Variants in PTPRO observed in about 807,000 individuals in gnomAD.
PTPRO encodes the protein receptor-type tyrosine-protein phosphatase O.
A neutral mutation model predicts 145.2 loss-of-function variants in PTPRO; 62 were observed. The observed-to-expected ratio is 0.43, with a 90% CI of 0.35 to 0.53. The LOEUF is 0.53. Among genes scored for constraint, PTPRO ranks in the 20% least tolerant of loss-of-function variants. The probability of loss-of-function intolerance (pLI) is 0.01; values close to 1 mark genes in which losing one functional copy is unlikely to be tolerated. For synonymous variants in PTPRO, 565 were observed against 514.7 expected (o/e 1.10, Z -1.32); for missense variants, 1,345 against 1,482.7 (o/e 0.91, Z 1.53).
chr12:15,552,163 T>C (rs1003426066), intron 15 of PTPRO, among the ~76,000 whole-genome samples: 2 of 152,188 alleles, frequency 1.3e-5, no homozygotes, highest in African/African-American at 4.8e-5. Flanking sequence ...TTATTCCTAT[T>C]ACTCAGAGTT....
At chr12:15,477,502 TA>T (rs142266962) in intron 1 of PTPRO, among the ~76,000 whole-genome samples, 3,009 of 150,742 alleles carry the variant, frequency 0.02, 112 homozygotes, top group East Asian at 0.14. Context: ...AAAGTATAAT[TA>T]AAAAAAAATG....
chr12:15,328,251 T>G (rs903234506), intron 1 of PTPRO, among the ~76,000 whole-genome samples: 1 of 152,206 alleles, frequency 6.6e-6, no homozygotes, highest in Non-Finnish European at 1.5e-5. Context: ...TTAGATTTTT[T>G]TTCCTCTGCA....
intron 1 of PTPRO, among the ~76,000 whole-genome samples, chr12:15,381,096 A>T (rs1409195371): frequency 1.3e-5 from 2 of 152,312 alleles, no homozygotes; most frequent in Non-Finnish European, 2.9e-5. Context: ...TTCTTTCATG[A>T]GATTTATCTT....
At chr12:15,376,305 A>C (rs1321692547) in intron 1 of PTPRO, among the ~76,000 whole-genome samples, 2 of 152,158 alleles carry the variant, frequency 1.3e-5, no homozygotes, top group African/African-American at 2.4e-5. Flanking sequence ...ACTAACATTC[A>C]ATATGTTGAA....
intron 7 of PTPRO, among the ~76,000 whole-genome samples, chr12:15,511,526 A>C (rs1942440299): frequency 6.6e-6 from 1 of 152,184 alleles, no homozygotes. Context: ...TAATATCCCT[A>C]GGATAAATTT....
At chr12:15,593,842 C>T (rs192199722) in intron 25 of PTPRO, among the ~76,000 whole-genome samples, 2 of 152,230 alleles carry the variant, frequency 1.3e-5, no homozygotes, top group Non-Finnish European at 2.9e-5. Context: ...TAGCTTTGTC[C>T]ACTACATAGA....
intron 23 of PTPRO, among the ~76,000 whole-genome samples, chr12:15,584,433 T>C (rs1224254448): frequency 6.6e-6 from 1 of 152,236 alleles, no homozygotes; most frequent in Non-Finnish European, 1.5e-5. Flanking sequence ...ATAGGGTCTG[T>C]TCCATTGCCT....
chr12:15,573,577 T>C (rs988822730), intron 19 of PTPRO, among the ~76,000 whole-genome samples: 4 of 152,238 alleles, frequency 2.6e-5, no homozygotes, highest in Non-Finnish European at 5.9e-5. Context: ...TGGTAAGTCC[T>C]GACATTATTT....
At chr12:15,535,629 T>C (rs572797931) in intron 12 of PTPRO, among the ~76,000 whole-genome samples, 2 of 152,368 alleles carry the variant, frequency 1.3e-5, no homozygotes, top group South Asian at 4.1e-4. Flanking sequence ...TATACATTGC[T>C]AGGTCTTGGT....
At position 15,586,844 on chromosome 12, in the gene PTPRO, T is replaced by C. The variant is rs555127578; in HGVS notation, c.3256-53T>C. ...GCTTAACTAGCAGAGTCCTGGGTCA[T>C]CCTAACAGTGAACTGAAAAATTAAT... is the stretch of plus-strand genomic sequence containing the variant. On this transcript the variant is annotated intron_variant, in intron 23 of 26. Coordinates refer to ENST00000281171, the MANE Select transcript of PTPRO (RefSeq NM_030667.3). 1.2e-5 allele frequency: 20 copies of C among 1,608,184 alleles called. No homozygotes were observed. In the East Asian group the frequency reaches 4.2e-4, roughly 34 times the overall value.
chr12:15,413,101 G>GT (rs1939845855), intron 1 of PTPRO, among the ~76,000 whole-genome samples: 1 of 151,850 alleles, frequency 6.6e-6, no homozygotes, highest in Non-Finnish European at 1.5e-5. Flanking sequence ...CCTTGTTTTT[G>GT]TTTTTTTGAG....
At chr12:15,523,098 A>G (rs1465840814) in intron 10 of PTPRO, among the ~76,000 whole-genome samples, 1 of 152,248 alleles carries the variant, frequency 6.6e-6, no homozygotes, top group Non-Finnish European at 1.5e-5. Context: ...ATTGCTAAGC[A>G]TACTATATAA....
Position 15,520,305 on chromosome 12 carries a change from C to T in PTPRO, c.1884C>T (p.Phe628=), listed in dbSNP as rs770433413. The change falls in exon 10 of 27, where the codon TTC becomes TTT. Residue 628 remains phenylalanine, a synonymous_variant. Transcript: ENST00000281171. ...LSCCDSSTIS[F]ITAPVAPEIT... Reference sequence around the variant, plus strand: ...GCTGTGACAGCTCTACCATCAGCTTCATAACAGGTGAGGCATGTGTGGGGA... The same window carrying T: ...GCTGTGACAGCTCTACCATCAGCTTTATAACAGGTGAGGCATGTGTGGGGA... 3 of 1,609,354 alleles carry T rather than the reference C, an allele frequency of 1.9e-6. No individual in the cohort carries two copies. In the South Asian group the frequency reaches 3.3e-5, roughly 18 times the overall value.
chr12:15,430,738 AC>A (rs1940413068), intron 1 of PTPRO, among the ~76,000 whole-genome samples: 1 of 152,134 alleles, frequency 6.6e-6, no homozygotes. Context: ...CACCACACAC[AC>A]AAAAAGTGTG....
intron 1 of PTPRO, among the ~76,000 whole-genome samples, chr12:15,472,290 A>G (rs1336968040): frequency 6.6e-6 from 1 of 152,164 alleles, no homozygotes; most frequent in Non-Finnish European, 1.5e-5. Context: ...TTGGCCTTAC[A>G]TCATCCCAGT....
At chr12:15,370,038 C>G (rs1213154702) in intron 1 of PTPRO, among the ~76,000 whole-genome samples, 2 of 144,618 alleles carry the variant, frequency 1.4e-5, no homozygotes, top group African/African-American at 2.8e-5. Flanking sequence ...GGCAACAGAG[C>G]AAGACTCCAT....
intron 1 of PTPRO, among the ~76,000 whole-genome samples, chr12:15,361,914 A>C (rs1267913793): frequency 6.6e-6 from 1 of 152,168 alleles, no homozygotes; most frequent in African/African-American, 2.4e-5. Flanking sequence ...GAAATGTCTT[A>C]TATCTTAGTT....
chr12:15,368,015 T>C (rs556621473), intron 1 of PTPRO, among the ~76,000 whole-genome samples: 2 of 152,360 alleles, frequency 1.3e-5, no homozygotes, highest in African/African-American at 4.8e-5. Context: ...AATCAATTCA[T>C]GGATCAATCA....
Position 15,444,766 on chromosome 12 carries a change from G to A in PTPRO, c.76-39208G>A, listed in dbSNP as rs138518998. 6.7e-3 allele frequency among the ~76,000 whole-genome samples: 1,019 copies of A among 152,134 alleles called. 5 individuals carry two copies. The highest frequency in any genetic ancestry group is 0.011 in the Non-Finnish European group (772 of 67,982). On this transcript the variant is annotated intron_variant, in intron 1 of 26. Transcript: ENST00000281171. Reference sequence around the variant, plus strand: ...ACCATCATGCACCAAATCTAATAGTGCCTTGATCTTTGACTTCCCAGCTCC... The same window carrying A: ...ACCATCATGCACCAAATCTAATAGTACCTTGATCTTTGACTTCCCAGCTCC...
Sources: allele counts gnomAD v4.1 joint callset (sites outside exome capture counted in the v4.1 genomes callset), GRCh38; gene constraint gnomAD v4.1.1; transcripts MANE v1.5; gene names NCBI Gene and HGNC (gene_info 2026-07-23, HGNC 2026-07-21).